CDK16: variants seen among roughly 807,000 people sequenced by gnomAD.
CDK16 encodes cyclin-dependent kinase 16.
Under a neutral mutation model 41.6 loss-of-function variants are expected in CDK16, and 2 were observed. The ratio of observed to expected loss-of-function variants is 0.05; its 90% CI spans 0.02 to 0.15. CDK16 has a LOEUF of 0.15. Among genes scored for constraint, CDK16 ranks in the 10% least tolerant of loss-of-function variants. The pLI is 1.00. For synonymous variants in CDK16, 169 were observed against 169.7 expected, an observed-to-expected ratio of 1.00 and a Z score of 0.03; for missense variants, 228 against 428.9, an observed-to-expected ratio of 0.53 and a Z score of 4.14.
At chrX:47,227,665 T>G (rs939503570) in intron 14 of CDK16, 196 bp downstream of exon 14, 22 of 433,336 alleles carry the variant, frequency 5.1e-5, no homozygotes, top group Non-Finnish European at 8.5e-5. Flanking sequence ...CATGAAAAAT[T>G]TAAAACATAC....
At chrX:47,228,346 T>C in intron 14 of CDK16, 1 of 392,502 alleles carries the variant, frequency 2.5e-6, no homozygotes, top group Non-Finnish European at 4.4e-6. Flanking sequence ...ATACCATAAT[T>C]CACTTGACAA....
Position 47,226,003 on chromosome X carries a change from C to T in CDK16, c.768C>T (p.Asn256=), listed in dbSNP as rs138923813. The part of the protein sequence containing the change: ...DLKQYLDDCG[N]IINMHNVKLF... The stretch of plus-strand genomic sequence containing the variant: ...AGCAGTACCTGGATGACTGTGGGAA[C>T]ATCATCAACATGCACAACGTGAAAG... The change falls in exon 8 of 16, where the codon AAC becomes AAT. Residue 256 remains asparagine (N), a synonymous_variant. Coordinates refer to ENST00000357227, the MANE Select transcript of CDK16 (RefSeq NM_006201.5). 5 of 1,199,818 alleles carry T rather than the reference C, an allele frequency of 4.2e-6. No homozygotes were observed. The African/African-American group carries it at 8.8e-5, about 21-fold the overall frequency.
intron 1 of CDK16, among the ~76,000 whole-genome samples, chrX:47,222,544 C>T (rs1170416784): frequency 4.7e-5 from 5 of 105,490 alleles, no homozygotes; most frequent in South Asian, 4.3e-4. Context: ...TGAGCCATTT[C>T]GAAATTTAGG....
At chrX:47,219,227 T>G in intron 1 of CDK16, 122 bp downstream of exon 1, 1 of 680,959 alleles carries the variant, frequency 1.5e-6, no homozygotes, top group African/African-American at 2.4e-5. Flanking sequence ...TTTCCCAGAA[T>G]GCACCGGGGC....
At chrX:47,222,981 A>T in intron 1 of CDK16, 4 of 618,962 alleles carry the variant, frequency 6.5e-6, no homozygotes, top group Non-Finnish European at 8.5e-6. Context: ...TGGGTAGATG[A>T]ATGGGATGAT....
chrX:47,225,191 A>AC (rs754645021), intron 6 of CDK16, 89 bp downstream of exon 6: 3 of 564,468 alleles, frequency 5.3e-6, no homozygotes, highest in East Asian at 3.6e-5. Flanking sequence ...TGGTTCTAAG[A>AC]CCCCCCAAAA....
intron 1 of CDK16, chrX:47,222,965 C>A: frequency 3.8e-6 from 3 of 796,241 alleles, no homozygotes; most frequent in Non-Finnish European, 4.9e-6. Flanking sequence ...CCTCCCCCCC[C>A]CCACCTGGGT....
At position 47,224,867 on chromosome X, in the gene CDK16, A is replaced by G. The variant is rs1438720406; in HGVS notation, c.496A>G (p.Ile166Val). ...EIGFGKLETYIKLDKLGEGTY... is the reference protein window; with the variant it reads ...EIGFGKLETYVKLDKLGEGTY... ...TGGCTTTGGGAAACTGGAGACCTAC[A>G]TTAAGCTGGACAAACTGGGCGAGGT... The change falls in exon 5 of 16, where the codon ATT (isoleucine) becomes GTT (valine). Residue 166 changes from isoleucine to valine, a missense_variant. Ile to Val is a conservative substitution (Grantham distance 29, BLOSUM62 3). Around this residue, in one of 3 missense-constraint regions of CDK16, gnomAD observed 66 missense variants for 197.2 expected, o/e 0.33. Coordinates refer to ENST00000357227, the MANE Select transcript of CDK16 (RefSeq NM_006201.5). 6 of 1,209,543 alleles carry G rather than the reference A, an allele frequency of 5.0e-6. No individual in the cohort carries two copies. Among genetic ancestry groups the G allele is most frequent in the Non-Finnish European group, 6.7e-6 (6 of 895,190 alleles).
chrX:47,219,004 G>C lies in CDK16; in HGVS notation c.-108G>C, dbSNP rs1478368289. 3 of 878,009 alleles carry C rather than the reference G, an allele frequency of 3.4e-6. No individual in the cohort carries two copies. In the East Asian group the frequency reaches 2.8e-4, roughly 81 times the overall value. The allele number at this position is 878,009 out of a possible 1,213,427, so 72.4% of individuals were successfully genotyped here. On this transcript the variant is annotated 5_prime_UTR_variant, in exon 1 of 16. Coordinates refer to ENST00000357227, the MANE Select transcript of CDK16 (RefSeq NM_006201.5). ...GACTACTGGGACGGGCGCCTGCGGC[G>C]AACAGGAGGAGAAGGAGGTCGCGCG...
Position 47,227,012 on chromosome X carries a change from C to T in CDK16, c.1154C>T (p.Thr385Met), listed in dbSNP as rs1372636669. 2 of 1,209,130 alleles carry T rather than the reference C, an allele frequency of 1.7e-6. No homozygotes were observed. The highest frequency in any genetic ancestry group is 2.2e-6 in the Non-Finnish European group (2 of 894,149). Residue 385 changes from threonine to methionine, a missense_variant, in exon 12 of 16, where the codon ACG (threonine) becomes ATG (methionine). Physicochemically the swap from Thr to Met is moderately conservative, Grantham distance 81. Transcript: ENST00000357227. ...FRILGTPTEE[T>M]WPGILSNEEF... ...CTACTAGGAACCCCAACTGAGGAGA[C>T]GTGGCCAGGCATCCTGTCCAACGAG...
chrX:47,224,177 T>C (rs1937472809), intron 2 of CDK16, among the ~76,000 whole-genome samples: 1 of 111,241 alleles, frequency 9.0e-6, no homozygotes, highest in Admixed American at 9.4e-5. Flanking sequence ...TAGGTGACTT[T>C]TGCTTCCCCA....
Position 47,228,784 on chromosome X carries a change from C to T in CDK16, c.*16C>T. 1 of 1,207,106 alleles carries T rather than the reference C, an allele frequency of 8.3e-7. No individual in the cohort carries two copies. Among genetic ancestry groups the T allele is most frequent in the Non-Finnish European group, 1.1e-6 (1 of 892,228 alleles). Reference sequence around the variant, plus strand: ...CGAGTTCTAAGCCACAGACCGAGGCCCCAGCAGGCAGCGGCTGGAGGGATG... The same window carrying T: ...CGAGTTCTAAGCCACAGACCGAGGCTCCAGCAGGCAGCGGCTGGAGGGATG... On this transcript the variant is annotated 3_prime_UTR_variant, in exon 16 of 16. Transcript: ENST00000357227.
rs769031734 is a variant in CDK16, at chrX:47,229,729, T to A, written c.*961T>A. Reference sequence around the variant, plus strand: ...TCAGCGAGGAGCCATAATGTGCATATGTGCACAAGCAGGGTTGGGGGAGGG... The same window carrying A: ...TCAGCGAGGAGCCATAATGTGCATAAGTGCACAAGCAGGGTTGGGGGAGGG... On this transcript the variant is annotated 3_prime_UTR_variant, in exon 16 of 16. Transcript: ENST00000357227. 4.3e-3 allele frequency: 582 copies of A among 136,215 alleles called. 2 individuals carry two copies. Among genetic ancestry groups the A allele is most frequent in the African/African-American group, 0.018 (555 of 31,501 alleles). The allele number at this position is 136,215 out of a possible 1,213,427, so 11.2% of individuals were successfully genotyped here.
intron 8 of CDK16, 42 bp downstream of exon 8, chrX:47,226,069 C>T: frequency 1.7e-6 from 2 of 1,152,661 alleles, no homozygotes; most frequent in Non-Finnish European, 2.3e-6. Context: ...GGGGCCCCCA[C>T]TCACCCACTC....
chrX:47,226,344 C>T lies in CDK16; in HGVS notation c.858C>T (p.Asp286=). 1 of 1,211,118 alleles carries T rather than the reference C, an allele frequency of 8.3e-7. No homozygotes were observed. The highest frequency in any genetic ancestry group is 1.1e-6 in the Non-Finnish European group (1 of 895,201). ...YCHRQKVLHR[D]LKPQNLLINE... The stretch of plus-strand genomic sequence containing the variant: ...ACCGGCAGAAGGTGCTACACCGAGA[C>T]CTCAAGCCCCAGAACCTGCTCATCA... The change falls in exon 9 of 16, where the codon GAC becomes GAT. Residue 286 remains aspartate, a synonymous_variant. Coordinates refer to ENST00000357227, the MANE Select transcript of CDK16 (RefSeq NM_006201.5).
At chrX:47,223,500 G>T in intron 1 of CDK16, 52 bp from the exon 2 acceptor site, 1 of 1,145,638 alleles carries the variant, frequency 8.7e-7, no homozygotes. Context: ...AACCCATGGT[G>T]ATCAAGCAAA....
In CDK16 at chrX:47,228,829, G is replaced by A. The variant is rs1377559180; in HGVS notation, c.*61G>A. ...GGGATGCCACACCCCTCACAGGGCA[G>A]CCCCCAACTACATCTTCCCTGCTTA... On this transcript the variant is annotated 3_prime_UTR_variant, in exon 16 of 16. Coordinates refer to ENST00000357227, the MANE Select transcript of CDK16 (RefSeq NM_006201.5). 11 of 1,073,091 alleles carry A rather than the reference G, an allele frequency of 1.0e-5. No homozygotes were observed. Among genetic ancestry groups the A allele is most frequent in the Non-Finnish European group, 1.4e-5 (11 of 779,080 alleles). The allele number at this position is 1,073,091 out of a possible 1,213,427, so 88.4% of individuals were successfully genotyped here. A position where few individuals can be genotyped will look rare whatever the true frequency, so the allele number is the denominator to read the frequency against.
Position 47,223,552 on chromosome X carries a change from A to G in CDK16, c.-6A>G. On this transcript the variant is annotated splice_region_variant and 5_prime_UTR_variant, in exon 2 of 16. Coordinates refer to ENST00000357227, the MANE Select transcript of CDK16 (RefSeq NM_006201.5). Reference sequence around the variant, plus strand: ...ATTTCCATCCTTGTCCCTTGCTCAGATCGCCATGGATCGGATGAAGAAGAT... The same window carrying G: ...ATTTCCATCCTTGTCCCTTGCTCAGGTCGCCATGGATCGGATGAAGAAGAT... 8.3e-7 allele frequency: 1 copy of G among 1,209,871 alleles called. No individual in the cohort carries two copies. The highest frequency in any genetic ancestry group is 1.1e-6 in the Non-Finnish European group (1 of 894,031).
upstream of CDK16, chrX:47,218,659 T>C (rs188385651): frequency 3.9e-5 from 46 of 1,166,088 alleles, no homozygotes; most frequent in Non-Finnish European, 4.9e-5. Context: ...GTACATGCAG[T>C]CCGAGGTGAG....
Sources: gnomAD v4.1 joint callset for allele counts (sites outside exome capture counted in the v4.1 genomes callset) on GRCh38, gnomAD v4.1.1 for gene constraint, gnomAD v4.1.1 regional missense constraint, MANE v1.5 for transcripts, NCBI Gene and HGNC (gene_info 2026-07-23, HGNC 2026-07-21) for gene names.